Variants in ASTN1 observed in about 807,000 individuals in gnomAD.
The protein encoded by ASTN1 is astrotactin 1.
Under a neutral mutation model 140.7 loss-of-function variants are expected in ASTN1, and 41 were observed. The ratio of observed to expected loss-of-function variants is 0.29; its 90% CI spans 0.23 to 0.38. The LOEUF is 0.38. ASTN1 is among the 10% of genes least tolerant of loss of function. ASTN1 has a pLI of 1.00. For missense variants in ASTN1, 1,479 were observed against 1,678.8 expected, an observed-to-expected ratio of 0.88 and a Z score of 2.08; for synonymous variants, 640 against 652.2, an observed-to-expected ratio of 0.98 and a Z score of 0.29.
At position 176,957,758 on chromosome 1, in the gene ASTN1, C is replaced by CGCGCA; in HGVS notation, c.1802_1806dup (p.Asp603CysfsTer37). 1 of 1,614,092 alleles carries CGCGCA rather than the reference C, an allele frequency of 6.2e-7. No individual in the cohort carries two copies. Among genetic ancestry groups the CGCGCA allele is most frequent in the Non-Finnish European group, 8.5e-7 (1 of 1,179,992 alleles). ...CAGCCCCCGTTATCTTTGCTGCAGT[C>CGCGCA]GCGCACCGGCCCAAAGGAATCTAAG... On this transcript the variant is annotated frameshift_variant, in exon 11 of 23. Transcript: ENST00000361833. LOFTEE classifies it high-confidence loss of function.
chr1:177,087,181 T>A (rs1679515055), intron 1 of ASTN1, among the ~76,000 whole-genome samples: 1 of 152,112 alleles, frequency 6.6e-6, no homozygotes, highest in African/African-American at 2.4e-5. Flanking sequence ...CTGAAGAACA[T>A]AATTTGCAAA....
chr1:177,123,119 G>T (rs950066062), intron 1 of ASTN1, among the ~76,000 whole-genome samples: 6 of 152,124 alleles, frequency 3.9e-5, no homozygotes, highest in Non-Finnish European at 8.8e-5. Context: ...CTAGTCAGGG[G>T]TGCAGAAACA....
chr1:176,922,557 A>C (rs1461536678), intron 16 of ASTN1, among the ~76,000 whole-genome samples: 2 of 37,062 alleles, frequency 5.4e-5, no homozygotes, highest in Non-Finnish European at 1.0e-4. Flanking sequence ...CCCCCACTGC[A>C]AAAAAAAAAA....
At chr1:177,051,397 C>A (rs549585942) in intron 2 of ASTN1, among the ~76,000 whole-genome samples, 3 of 152,166 alleles carry the variant, frequency 2.0e-5, no homozygotes, top group Non-Finnish European at 4.4e-5. Flanking sequence ...AACACAGCCA[C>A]GTGCATTCAG....
At chr1:177,076,072 G>A (rs958917442) in intron 1 of ASTN1, among the ~76,000 whole-genome samples, 1 of 151,884 alleles carries the variant, frequency 6.6e-6, no homozygotes, top group Non-Finnish European at 1.5e-5. Flanking sequence ...GAGGTCGAAA[G>A]ATCGAGACCA....
chr1:177,083,700 AAC>A (rs959852549), intron 1 of ASTN1, among the ~76,000 whole-genome samples: 7 of 152,186 alleles, frequency 4.6e-5, no homozygotes, highest in Admixed American at 2.0e-4. Flanking sequence ...AATGGAATTC[AAC>A]AAAGTACCCA....
chr1:176,983,401 C>T (rs1029993878), intron 8 of ASTN1, among the ~76,000 whole-genome samples: 2 of 152,172 alleles, frequency 1.3e-5, no homozygotes, highest in African/African-American at 4.8e-5. Context: ...ACGTAAAAGA[C>T]AGATAGGAAA....
At chr1:177,034,530 G>T (rs578044273) in intron 2 of ASTN1, among the ~76,000 whole-genome samples, 4 of 152,106 alleles carry the variant, frequency 2.6e-5, no homozygotes, top group Non-Finnish European at 5.9e-5. Context: ...CTAGGTCCTT[G>T]CTAACTGCCA....
intron 8 of ASTN1, among the ~76,000 whole-genome samples, chr1:176,982,061 A>G (rs887950627): frequency 7.9e-5 from 12 of 152,190 alleles, no homozygotes; most frequent in African/African-American, 2.2e-4. Flanking sequence ...AGCATGCAGA[A>G]TTCAGTCAGT....
At chr1:177,077,386 C>T (rs1030379431) in intron 1 of ASTN1, among the ~76,000 whole-genome samples, 3 of 152,006 alleles carry the variant, frequency 2.0e-5, no homozygotes, top group East Asian at 1.9e-4. Flanking sequence ...TATAATTTGC[C>T]GGTATAATTT....
chr1:176,929,156 G>A (rs1229442343), intron 16 of ASTN1, among the ~76,000 whole-genome samples: 1 of 152,226 alleles, frequency 6.6e-6, no homozygotes, highest in Non-Finnish European at 1.5e-5. Flanking sequence ...CTGGAGAGGT[G>A]AGAGGGGGTG....
chr1:177,042,731 G>T (rs1677035691), intron 2 of ASTN1, among the ~76,000 whole-genome samples: 1 of 152,180 alleles, frequency 6.6e-6, no homozygotes, highest in Admixed American at 6.5e-5. Context: ...AGTAGTATGA[G>T]GCCAAACTAA....
rs756674648 is a variant in ASTN1 at position 177,061,269 on chromosome 1, G to T, written c.284-4C>A. The T allele has an allele frequency of 2.0e-6, 3 of 1,512,878 alleles. No individual in the cohort carries two copies. The highest frequency in any genetic ancestry group is 2.7e-6 in the Non-Finnish European group (3 of 1,126,606). The allele number at this position is 1,512,878 out of a possible 1,614,324, so 93.7% of individuals were successfully genotyped here. A position where few individuals can be genotyped will look rare whatever the true frequency, so the allele number is the denominator to read the frequency against. On this transcript the variant is annotated splice_polypyrimidine_tract_variant and splice_region_variant and intron_variant, in intron 1 of 22. Coordinates refer to ENST00000361833, the MANE Select transcript of ASTN1 (RefSeq NM_004319.3). ...TCCTCTGTGTTCCCTGAGATCTCTA[G>T]AAGATGAACACCAAAGGCACAGGTG... is the stretch of plus-strand genomic sequence containing the variant.
intron 16 of ASTN1, among the ~76,000 whole-genome samples, chr1:176,908,321 A>G (rs899748083): frequency 3.3e-5 from 5 of 152,190 alleles, no homozygotes; most frequent in Non-Finnish European, 7.4e-5. Context: ...AAATAAGGAC[A>G]TGGTCTATAA....
rs1558143036 is a variant in ASTN1, at chr1:177,164,703, G to A, written c.-27C>T. 6.6e-7 allele frequency: 1 copy of A among 1,520,524 alleles called. No homozygotes were observed. The highest frequency in any genetic ancestry group is 8.8e-7 in the Non-Finnish European group (1 of 1,137,804). 94.2% of individuals were successfully genotyped at this position (1,520,524 alleles called of 1,614,324 possible). ...TTGAGCCCCGGCCGCCTTCCTCCTA[G>A]CGCTGCGATGGTGGGGGAGGAAGCG... On this transcript the variant is annotated 5_prime_UTR_variant, in exon 1 of 23. Coordinates refer to ENST00000361833, the MANE Select transcript of ASTN1 (RefSeq NM_004319.3).
At chr1:176,999,163 A>T (rs1242333533) in intron 8 of ASTN1, among the ~76,000 whole-genome samples, 1 of 152,230 alleles carries the variant, frequency 6.6e-6, no homozygotes. Flanking sequence ...GAGAAAGACA[A>T]GGCCTAAGAG....
In ASTN1 at chr1:176,863,499, C is replaced by G. The variant is rs1352975974; in HGVS notation, c.*785G>C. 1.0e-6 allele frequency: 1 copy of G among 985,440 alleles called. No individual in the cohort carries two copies. Among genetic ancestry groups the G allele is most frequent in the Non-Finnish European group, 1.2e-6 (1 of 829,886 alleles). 61.0% of individuals were successfully genotyped at this position (985,440 alleles called of 1,614,324 possible). ...TCTCCTCTTGAATGTGGACTGCTAACTAGTCTCCCAGGTAGACTTTTCTGA... is the reference window on the plus strand; with the variant it reads ...TCTCCTCTTGAATGTGGACTGCTAAGTAGTCTCCCAGGTAGACTTTTCTGA... On this transcript the variant is annotated 3_prime_UTR_variant, in exon 23 of 23. Transcript: ENST00000361833.
At chr1:177,160,368 A>G (rs1330304582) in intron 1 of ASTN1, among the ~76,000 whole-genome samples, 1 of 152,230 alleles carries the variant, frequency 6.6e-6, no homozygotes, top group African/African-American at 2.4e-5. Flanking sequence ...CACTTTAAAC[A>G]GCACCTTGCA....
At chr1:177,121,967 C>T (rs1257465542) in intron 1 of ASTN1, among the ~76,000 whole-genome samples, 1 of 152,130 alleles carries the variant, frequency 6.6e-6, no homozygotes, top group Non-Finnish European at 1.5e-5. Flanking sequence ...GAGAGGCCCT[C>T]TTGACCCACT....
Sources: allele counts gnomAD v4.1 joint callset (sites outside exome capture counted in the v4.1 genomes callset), GRCh38; gene constraint gnomAD v4.1.1; transcripts MANE v1.5; gene names NCBI Gene and HGNC (gene_info 2026-07-23, HGNC 2026-07-21).